WSCD2: variants seen among roughly 807,000 people sequenced by gnomAD.
WSCD2 encodes WSC domain sialate O sulfotransferase 2.
A neutral mutation model predicts 55.7 loss-of-function variants in WSCD2; 28 were observed. The ratio of observed to expected loss-of-function variants is 0.50; its 90% CI spans 0.37 to 0.69. The LOEUF (loss-of-function observed/expected upper bound fraction) is 0.69. Among genes scored for constraint, WSCD2 ranks in the 30% least tolerant of loss-of-function variants. The pLI, the probability that WSCD2 is intolerant of heterozygous loss-of-function variation, is 0.00. For missense variants in WSCD2, 616 were observed against 762.1 expected (o/e 0.81, Z 2.26); for synonymous variants, 301 against 301.9 (o/e 1.00, Z 0.03).
chr12:108,178,924 T>C (rs1881275929), intron 1 of WSCD2, among the ~76,000 whole-genome samples: 1 of 152,200 alleles, frequency 6.6e-6, no homozygotes, highest in Admixed American at 6.5e-5. Flanking sequence ...GCATTCATTC[T>C]CATTTAATTC....
chr12:108,187,214 G>A (rs2137019557), intron 1 of WSCD2, among the ~76,000 whole-genome samples: 1 of 152,300 alleles, frequency 6.6e-6, no homozygotes, highest in East Asian at 1.9e-4. Flanking sequence ...ACAGCCCCTA[G>A]GGTCTGCCTC....
intron 8 of WSCD2, among the ~76,000 whole-genome samples, chr12:108,242,911 C>T (rs1488123637): frequency 6.6e-6 from 1 of 152,218 alleles, no homozygotes; most frequent in Non-Finnish European, 1.5e-5. Flanking sequence ...ACACTCATCT[C>T]ATATTGGGGG....
At chr12:108,166,761 T>TTTCTTTTTCTTTCTTTC (rs10680980) in intron 1 of WSCD2, among the ~76,000 whole-genome samples, 2 of 124,820 alleles carry the variant, frequency 1.6e-5, no homozygotes, top group Non-Finnish European at 3.3e-5. Flanking sequence ...TCTTTCTTTC[T>TTTCTTTTTCTTTCTTTC]TTTCTTTCTT....
chr12:108,207,737 G>C (rs533059586), intron 3 of WSCD2, among the ~76,000 whole-genome samples: 1 of 151,780 alleles, frequency 6.6e-6, no homozygotes, highest in Non-Finnish European at 1.5e-5. Context: ...CAGCTGCCTA[G>C]GGAGCCCACT....
At position 108,249,610 on chromosome 12, in the gene WSCD2, A is replaced by G. The variant is rs1474293919; in HGVS notation, c.*1267A>G. The G allele has an allele frequency of 1.3e-5, 2 of 152,646 alleles. No individual in the cohort carries two copies. The highest frequency in any genetic ancestry group is 2.4e-5 in the African/African-American group (1 of 41,452). The allele number at this position is 152,646 out of a possible 1,614,324, so 9.5% of individuals were successfully genotyped here. On this transcript the variant is annotated 3_prime_UTR_variant, in exon 9 of 9. Transcript: ENST00000547525. ...CCATCATTATGTAGATGAAAAAGCC[A>G]TAGGTCATAGCCTCTTTGCTATTCT...
intron 4 of WSCD2, among the ~76,000 whole-genome samples, chr12:108,211,707 G>A (rs1886205489): frequency 6.7e-6 from 1 of 149,876 alleles, no homozygotes. Context: ...AGGCTGGAGT[G>A]CAATGGTGTG....
chr12:108,185,816 T>A (rs1288143727), intron 1 of WSCD2, among the ~76,000 whole-genome samples: 1 of 152,138 alleles, frequency 6.6e-6, no homozygotes, highest in African/African-American at 2.4e-5. Context: ...CCCAGCCTAT[T>A]AAGGAACTCT....
intron 4 of WSCD2, among the ~76,000 whole-genome samples, chr12:108,213,714 A>G (rs1886498940): frequency 6.6e-6 from 1 of 152,240 alleles, no homozygotes; most frequent in Non-Finnish European, 1.5e-5. Context: ...CTATTGCAGG[A>G]AATGACTGGC....
intron 1 of WSCD2, among the ~76,000 whole-genome samples, chr12:108,181,242 C>T (rs543921630): frequency 6.6e-6 from 1 of 152,308 alleles, no homozygotes; most frequent in African/African-American, 2.4e-5. Flanking sequence ...GACAGACCTT[C>T]CTCCCTCCCA....
chr12:108,151,935 T>C (rs1054370892), intron 1 of WSCD2, among the ~76,000 whole-genome samples: 5 of 152,140 alleles, frequency 3.3e-5, no homozygotes, highest in Admixed American at 6.5e-5. Context: ...CTCCCAGCCC[T>C]CCTCCTGCAC....
intron 1 of WSCD2, among the ~76,000 whole-genome samples, chr12:108,181,256 C>T (rs1420035408): frequency 4.6e-5 from 7 of 152,192 alleles, no homozygotes; most frequent in Non-Finnish European, 8.8e-5. Flanking sequence ...CCTCCCACCC[C>T]GGCGGATTTA....
intron 1 of WSCD2, among the ~76,000 whole-genome samples, chr12:108,173,311 C>G (rs1166064276): frequency 1.3e-5 from 2 of 152,212 alleles, no homozygotes; most frequent in Non-Finnish European, 2.9e-5. Flanking sequence ...CCTGCTGGCT[C>G]TTGGCTGTGA....
rs141018799 is a variant in WSCD2, at chr12:108,212,474, T to A, written c.682+2169T>A. Among the ~76,000 whole-genome samples the A allele has an allele frequency of 4.0e-5, 6 of 151,784 alleles. No homozygotes were observed. The East Asian group carries it at 1.2e-3, about 29-fold the overall frequency. ...GGTTGGCTGAATAACCTGGACACAC[T>A]CTCTCTCAATATCTCTTTCTCTCCT... On this transcript the variant is annotated intron_variant, in intron 4 of 8. Transcript: ENST00000547525.
Position 108,200,743 on chromosome 12 carries a change from G to T in WSCD2, c.382+4529G>T, listed in dbSNP as rs1413772652. Among the ~76,000 whole-genome samples the T allele has an allele frequency of 2.0e-5, 3 of 149,790 alleles. No homozygotes were observed. The East Asian group carries it at 5.8e-4, about 29-fold the overall frequency. On this transcript the variant is annotated intron_variant, in intron 2 of 8. Coordinates refer to ENST00000547525, the MANE Select transcript of WSCD2 (RefSeq NM_014653.4). ...AGAAAAGTTTTGGGGGACCCCAAAGGAGGGACCCCATTCAGTCATGGGGTA... is the reference window on the plus strand; with the variant it reads ...AGAAAAGTTTTGGGGGACCCCAAAGTAGGGACCCCATTCAGTCATGGGGTA...
intron 1 of WSCD2, among the ~76,000 whole-genome samples, chr12:108,162,479 A>G (rs563542435): frequency 9.2e-5 from 14 of 152,346 alleles, no homozygotes; most frequent in Admixed American, 2.0e-4. Flanking sequence ...ATTTGTATCA[A>G]TGTGCCCCAC....
At chr12:108,236,787 C>T (rs1889309113) in intron 7 of WSCD2, among the ~76,000 whole-genome samples, 1 of 152,128 alleles carries the variant, frequency 6.6e-6, no homozygotes, top group South Asian at 2.1e-4. Context: ...GACTTTGTCT[C>T]AGTCCCTCCC....
rs540760975 is a variant in WSCD2 at position 108,212,713 on chromosome 12, G to A, written c.682+2408G>A. Among the ~76,000 whole-genome samples the A allele has an allele frequency of 3.3e-5, 5 of 152,158 alleles. No homozygotes were observed. In the South Asian group the frequency reaches 1.0e-3, roughly 32 times the overall value. On this transcript the variant is annotated intron_variant, in intron 4 of 8. Transcript: ENST00000547525. ...TTCATTGGCCATGGGTGAGCTGGGGGGCTGCTGGCAGGAACAATGCTGCAC... is the reference window on the plus strand; with the variant it reads ...TTCATTGGCCATGGGTGAGCTGGGGAGCTGCTGGCAGGAACAATGCTGCAC...
At chr12:108,160,344 A>G (rs547509573) in intron 1 of WSCD2, among the ~76,000 whole-genome samples, 19 of 152,370 alleles carry the variant, frequency 1.2e-4, no homozygotes, top group African/African-American at 4.6e-4. Context: ...GCATTGCTAT[A>G]AAGAAATACC....
chr12:108,213,798 A>C (rs932290878), intron 4 of WSCD2, among the ~76,000 whole-genome samples: 2 of 152,196 alleles, frequency 1.3e-5, no homozygotes, highest in African/African-American at 2.4e-5. Context: ...CATGAATCCC[A>C]GTTAGTATAC....
Sources: gnomAD v4.1 joint callset for allele counts (sites outside exome capture counted in the v4.1 genomes callset) on GRCh38, gnomAD v4.1.1 for gene constraint, MANE v1.5 for transcripts, NCBI Gene and HGNC (gene_info 2026-07-23, HGNC 2026-07-21) for gene names.